The following DCHS2 variants were observed in gnomAD, a reference collection of about 807,000 sequenced individuals.
DCHS2 encodes the protein dachsous cadherin-related 2.
DCHS2 carries 142 observed loss-of-function variants against 182.4 expected under a neutral mutation model. The ratio of observed to expected loss-of-function variants is 0.78; its 90% CI spans 0.68 to 0.89. The LOEUF (loss-of-function observed/expected upper bound fraction) is 0.89. DCHS2 is among the 40% of genes least tolerant of loss of function. The probability of loss-of-function intolerance (pLI) is 0.00; values close to 1 mark genes in which losing one functional copy is unlikely to be tolerated. For missense variants in DCHS2, 4,319 were observed against 4,198.6 expected, an observed-to-expected ratio of 1.03 and a Z score of -0.79; for synonymous variants, 1,740 against 1,663.3, an observed-to-expected ratio of 1.05 and a Z score of -1.12.
At chr4:154,251,347 T>G (rs1228176834) in intron 16 of DCHS2, among the ~76,000 whole-genome samples, 1 of 152,218 alleles carries the variant, frequency 6.6e-6, no homozygotes, top group Non-Finnish European at 1.5e-5. Context: ...TGTACTAGCT[T>G]CGGATTCTTG....
At position 154,320,511 on chromosome 4, in the gene DCHS2, C is replaced by T. The variant is rs765873594; in HGVS notation, c.4888G>A (p.Glu1630Lys). The T allele has an allele frequency of 2.5e-5, 40 of 1,613,970 alleles. No homozygotes were observed. The Middle Eastern group carries it at 4.9e-4, about 20-fold the overall frequency. The change falls in exon 9 of 20, where the codon GAG becomes AAG. Residue 1630 changes from glutamate (E) to lysine (K), a missense_variant. Physicochemically the swap from Glu to Lys is moderately conservative, Grantham distance 56. Transcript: ENST00000357232. ...ACCAAGGAGCCCACTGTGACATCCTCTTTGACATGGGCATTGGGGAAAGAA... is the reference window on the plus strand; with the variant it reads ...ACCAAGGAGCCCACTGTGACATCCTTTTTGACATGGGCATTGGGGAAAGAA... Reference protein sequence around the residue: ...FISFPNAHVKEDVTVGSLVHH... With the variant: ...FISFPNAHVKKDVTVGSLVHH...
At position 154,235,713 on chromosome 4, in the gene DCHS2, A is replaced by G; in HGVS notation, c.8939T>C (p.Phe2980Ser). Reference sequence around the variant, plus strand: ...TGCCAAGGGTGTTCCTTCAGAGGAGAAAGACACATTCACAAAAACAGTGCA... The same window carrying G: ...TGCCAAGGGTGTTCCTTCAGAGGAGGAAGACACATTCACAAAAACAGTGCA... ...ASCTVFVNVS[F>S]SSEGTPLAVF... Residue 2980 changes from phenylalanine to serine, a missense_variant, in exon 20 of 20, where the codon TTC (phenylalanine) becomes TCC (serine). Transcript: ENST00000357232. The G allele has an allele frequency of 6.2e-7, 1 of 1,613,976 alleles. No individual in the cohort carries two copies. Among genetic ancestry groups the G allele is most frequent in the Non-Finnish European group, 8.5e-7 (1 of 1,179,902 alleles).
At chr4:154,311,895 C>A (rs147400260) in intron 10 of DCHS2, among the ~76,000 whole-genome samples, 4 of 152,040 alleles carry the variant, frequency 2.6e-5, no homozygotes, top group Non-Finnish European at 5.9e-5. Flanking sequence ...AGAATATATA[C>A]CAAAGTTTTA....
rs1311916985 is a variant in DCHS2, at chr4:154,235,452, G to A, written c.9200C>T (p.Ala3067Val). ...TATTAAACTCAACCATTCCGGAGTGGCATCCACAGGGACCACCTCGTTACT... is the reference window on the plus strand; with the variant it reads ...TATTAAACTCAACCATTCCGGAGTGACATCCACAGGGACCACCTCGTTACT... ...DCSNEVVPVD[A>V]TPEWLSLISI... is the part of the protein sequence containing the mutation. The change falls in exon 20 of 20, where the codon GCC (alanine) becomes GTC (valine). Residue 3067 changes from alanine (A) to valine (V), a missense_variant. Ala to Val is a moderately conservative substitution (Grantham distance 64). Transcript: ENST00000357232. 1.2e-6 allele frequency: 2 copies of A among 1,613,930 alleles called. No homozygotes were observed. Among genetic ancestry groups the A allele is most frequent in the African/African-American group, 1.3e-5 (1 of 74,904 alleles).
At chr4:154,471,613 G>C (rs564901146) in intron 1 of DCHS2, among the ~76,000 whole-genome samples, 1 of 152,140 alleles carries the variant, frequency 6.6e-6, no homozygotes, top group South Asian at 2.1e-4. Flanking sequence ...AGACACATAT[G>C]CACAATCCTA....
intron 2 of DCHS2, among the ~76,000 whole-genome samples, chr4:154,367,415 G>T (rs1242175416): frequency 6.6e-6 from 1 of 152,158 alleles, no homozygotes; most frequent in Middle Eastern, 3.2e-3. Context: ...GGCCAGATTT[G>T]TTTGGGAATT....
intron 13 of DCHS2, among the ~76,000 whole-genome samples, chr4:154,274,470 C>G (rs1733738832): frequency 6.6e-6 from 1 of 152,074 alleles, no homozygotes; most frequent in African/African-American, 2.4e-5. Context: ...ATCTCATCTG[C>G]CTGCTTAAAT....
intron 1 of DCHS2, among the ~76,000 whole-genome samples, chr4:154,482,294 G>C (rs1266727870): frequency 2.0e-5 from 3 of 152,174 alleles, no homozygotes; most frequent in African/African-American, 7.2e-5. Flanking sequence ...ATTAAGAAAT[G>C]AGCAAAAATA....
intron 7 of DCHS2, among the ~76,000 whole-genome samples, chr4:154,325,986 A>G (rs145152410): frequency 6.6e-6 from 1 of 152,316 alleles, no homozygotes; most frequent in Non-Finnish European, 1.5e-5. Context: ...ATTCTATTGT[A>G]TTCATTTTCA....
intron 1 of DCHS2, among the ~76,000 whole-genome samples, chr4:154,414,487 CTTTTT>C (rs375818839): frequency 0.034 from 2,472 of 73,784 alleles, 60 homozygotes; most frequent in African/African-American, 0.094. Context: ...ATACAGCTTT[CTTTTT>C]TTTTTTTTTT....
intron 19 of DCHS2, among the ~76,000 whole-genome samples, chr4:154,237,815 A>G (rs949590000): frequency 6.6e-6 from 1 of 152,190 alleles, no homozygotes; most frequent in African/African-American, 2.4e-5. Flanking sequence ...GAATGCTGAC[A>G]TTTAAATGCC....
chr4:154,339,687 T>C (rs868283240), intron 3 of DCHS2, among the ~76,000 whole-genome samples: 20 of 152,258 alleles, frequency 1.3e-4, no homozygotes, highest in South Asian at 4.1e-4. Context: ...GACCTTGTGA[T>C]CCGCCCATCT....
intron 1 of DCHS2, among the ~76,000 whole-genome samples, chr4:154,429,545 C>A (rs1456500648): frequency 6.6e-6 from 1 of 152,172 alleles, no homozygotes; most frequent in Admixed American, 6.5e-5. Context: ...TAGAACTCAG[C>A]CTCAGCAGCA....
intron 1 of DCHS2, among the ~76,000 whole-genome samples, chr4:154,432,714 C>A (rs1422539486): frequency 6.6e-6 from 1 of 152,114 alleles, no homozygotes; most frequent in Non-Finnish European, 1.5e-5. Flanking sequence ...CAGATCCAGT[C>A]CTAACCCTTC....
At chr4:154,290,067 T>C (rs1291900911) in intron 13 of DCHS2, among the ~76,000 whole-genome samples, 3 of 152,102 alleles carry the variant, frequency 2.0e-5, no homozygotes, top group Non-Finnish European at 4.4e-5. Context: ...CAAAAAACTA[T>C]TAGAACTGAT....
At position 154,420,807 on chromosome 4, in the gene DCHS2, C is replaced by G. The variant is rs144160592; in HGVS notation, c.2053-43363G>C. Among the ~76,000 whole-genome samples, 163 of 152,288 alleles carry G rather than the reference C, an allele frequency of 1.1e-3. 1 individual carries two copies. The highest frequency in any genetic ancestry group is 2.1e-3 in the Non-Finnish European group (140 of 68,012). ...TTCCAGATACCTGGGTATCCCTTAA[C>G]CCAGTCAAGCTGACACCTAAAATTA... On this transcript the variant is annotated intron_variant, in intron 1 of 19. Coordinates refer to ENST00000357232, the MANE Select transcript of DCHS2 (RefSeq NM_001358235.2).
At chr4:154,463,901 A>G (rs747324626) in intron 1 of DCHS2, among the ~76,000 whole-genome samples, 16 of 152,168 alleles carry the variant, frequency 1.1e-4, no homozygotes, top group Non-Finnish European at 1.6e-4. Context: ...ACTAAAAAAC[A>G]TGTGTAAAAA....
At chr4:154,257,205 G>A (rs906700536) in intron 15 of DCHS2, among the ~76,000 whole-genome samples, 3 of 152,136 alleles carry the variant, frequency 2.0e-5, no homozygotes, top group South Asian at 2.1e-4. Context: ...CCGAGATCAC[G>A]CCCCCACACT....
intron 2 of DCHS2, among the ~76,000 whole-genome samples, chr4:154,373,046 T>C (rs1479647834): frequency 1.3e-5 from 2 of 152,166 alleles, no homozygotes; most frequent in Non-Finnish European, 2.9e-5. Flanking sequence ...AAACCAGAGA[T>C]TGTCAAGGTA....
Sources: allele counts gnomAD v4.1 joint callset (sites outside exome capture counted in the v4.1 genomes callset), GRCh38; gene constraint gnomAD v4.1.1; transcripts MANE v1.5; gene names NCBI Gene and HGNC (gene_info 2026-07-23, HGNC 2026-07-21).